The following PER2 variants were observed in gnomAD, a reference collection of about 807,000 sequenced individuals.
The protein encoded by PER2 is period circadian regulator 2.
Under a neutral mutation model 121.0 loss-of-function variants are expected in PER2, and 66 were observed. That is an observed-to-expected ratio of 0.55 (90% confidence interval 0.45 to 0.67). PER2 has a LOEUF of 0.67. Among genes scored for constraint, PER2 ranks in the 30% least tolerant of loss-of-function variants. The pLI, the probability that PER2 is intolerant of heterozygous loss-of-function variation, is 0.00. For missense variants in PER2, 1,521 were observed against 1,635.0 expected, an observed-to-expected ratio of 0.93 and a Z score of 1.20; for synonymous variants, 684 against 659.9, an observed-to-expected ratio of 1.04 and a Z score of -0.56.
intron 4 of PER2, 68 bp from the exon 5 acceptor site, chr2:238,273,259 T>C: frequency 6.5e-7 from 1 of 1,540,296 alleles, no homozygotes; most frequent in East Asian, 2.3e-5. Flanking sequence ...TCACTAGCTC[T>C]TACAAACTGA....
At chr2:238,280,090 C>A (rs758153477) in intron 1 of PER2, among the ~76,000 whole-genome samples, 18 of 152,176 alleles carry the variant, frequency 1.2e-4, no homozygotes, top group African/African-American at 4.1e-4. Flanking sequence ...CCACTGAACA[C>A]CCCCAGGTGC....
In PER2 at chr2:238,251,493, G is replaced by C. The variant is rs1224997314; in HGVS notation, c.3274+106C>G. The C allele has an allele frequency of 4.0e-6, 4 of 1,002,370 alleles. No individual in the cohort carries two copies. In the African/African-American group the frequency reaches 6.3e-5, roughly 16 times the overall value. The allele number at this position is 1,002,370 out of a possible 1,614,324, so 62.1% of individuals were successfully genotyped here. A position where few individuals can be genotyped will look rare whatever the true frequency, so the allele number is the denominator to read the frequency against. ...ATGGGCTCTGACAGCTGCTTGGGGA[G>C]TGCCGGTGATCCCTGTTCTGAGCAC... On this transcript the variant is annotated intron_variant, in intron 20 of 22. Coordinates refer to ENST00000254657, the MANE Select transcript of PER2 (RefSeq NM_022817.3).
At chr2:238,254,704 T>A (rs1220995663) in intron 18 of PER2, 10 of 152,392 alleles carry the variant, frequency 6.6e-5, no homozygotes, top group Non-Finnish European at 1.0e-4. Context: ...GCGGGAACTC[T>A]GCACTAGGCT....
intron 21 of PER2, among the ~76,000 whole-genome samples, chr2:238,250,122 C>T (rs1695558873): frequency 6.6e-6 from 1 of 152,248 alleles, no homozygotes; most frequent in African/African-American, 2.4e-5. Context: ...CACTGCAGAG[C>T]AGCCCGCTCC....
chr2:238,245,559 A>C lies in PER2; in HGVS notation c.*816T>G, dbSNP rs1026299768. 3 of 398,524 alleles carry C rather than the reference A, an allele frequency of 7.5e-6. No individual in the cohort carries two copies. The Admixed American group carries it at 1.3e-4, about 18-fold the overall frequency. The allele number at this position is 398,524 out of a possible 1,614,324, so 24.7% of individuals were successfully genotyped here. Reference sequence around the variant, plus strand: ...GTGTTGGTCACAGCCTGGTTTGCAAAGGGAAGTCACCATAAAGAGATGACT... The same window carrying C: ...GTGTTGGTCACAGCCTGGTTTGCAACGGGAAGTCACCATAAAGAGATGACT... On this transcript the variant is annotated 3_prime_UTR_variant, in exon 23 of 23. Transcript: ENST00000254657.
intron 14 of PER2, 35 bp from the exon 15 acceptor site, chr2:238,258,679 T>C: frequency 6.2e-7 from 1 of 1,608,920 alleles, no homozygotes; most frequent in Non-Finnish European, 8.5e-7. Context: ...TTCATTCATT[T>C]TTCTCCCACA....
At chr2:238,266,212 T>C (rs1367533229) in intron 8 of PER2, among the ~76,000 whole-genome samples, 1 of 152,084 alleles carries the variant, frequency 6.6e-6, no homozygotes, top group African/African-American at 2.4e-5. Flanking sequence ...CCCATCTTTA[T>C]GATGTTTAAG....
At position 238,251,620 on chromosome 2, in the gene PER2, C is replaced by T. The variant is rs1355444881; in HGVS notation, c.3253G>A (p.Asp1085Asn). The T allele has an allele frequency of 8.1e-6, 13 of 1,614,056 alleles. No homozygotes were observed. The highest frequency in any genetic ancestry group is 1.3e-5 in the African/African-American group (1 of 74,920). The change falls in exon 20 of 23, where the codon GAC becomes AAC. Residue 1085 changes from aspartate to asparagine, a missense_variant. Asp to Asn is a conservative substitution (Grantham distance 23). Coordinates refer to ENST00000254657, the MANE Select transcript of PER2 (RefSeq NM_022817.3). ...ATACCTGCCCCACTCGGGGAGGCGT[C>T]GCAGCCCAGTGAGCCGGAGCCCAGA... The part of the protein sequence containing the change: ...ESLGSGSLGC[D>N]ASPSGAGSSD...
rs1433657987 is a variant in PER2 at position 238,249,056 on chromosome 2, G to C, written c.3618+6C>G. The C allele has an allele frequency of 6.2e-7, 1 of 1,613,914 alleles. No individual in the cohort carries two copies. Among genetic ancestry groups the C allele is most frequent in the Non-Finnish European group, 8.5e-7 (1 of 1,179,846 alleles). ...CCATATCAGAAATCGAGTCCCGTGA[G>C]CTTACTGCCACGTCGATGGCTGCGG... On this transcript the variant is annotated splice_donor_region_variant and intron_variant, in intron 22 of 22. Transcript: ENST00000254657.
chr2:238,275,239 C>T (rs1696415894), intron 4 of PER2, among the ~76,000 whole-genome samples: 1 of 152,214 alleles, frequency 6.6e-6, no homozygotes, highest in Non-Finnish European at 1.5e-5. Flanking sequence ...TCGGGAGGTG[C>T]TCACACACCA....
chr2:238,277,336 G>A, intron 2 of PER2, 143 bp from the exon 3 acceptor site: 1 of 729,104 alleles, frequency 1.4e-6, no homozygotes. Flanking sequence ...GATAAAACTG[G>A]AATATAAAAC....
Position 238,265,475 on chromosome 2 carries a change from A to G in PER2, c.1046+37T>C, listed in dbSNP as rs762851810. ...GCTTTGGCTAAATAGCTTTTATATC[A>G]AAAACATGAAAAAGGGGGTGGGTCA... On this transcript the variant is annotated intron_variant, in intron 9 of 22. Coordinates refer to ENST00000254657, the MANE Select transcript of PER2 (RefSeq NM_022817.3). 6 of 1,379,852 alleles carry G rather than the reference A, an allele frequency of 4.3e-6. No individual in the cohort carries two copies. The Admixed American group carries it at 5.0e-5, about 12-fold the overall frequency. The allele number at this position is 1,379,852 out of a possible 1,614,324, so 85.5% of individuals were successfully genotyped here. A position where few individuals can be genotyped will look rare whatever the true frequency, so the allele number is the denominator to read the frequency against.
At chr2:238,249,929 T>C (rs76531722) in intron 21 of PER2, among the ~76,000 whole-genome samples, 17,328 of 152,316 alleles carry the variant, frequency 0.11, 1,304 homozygotes, top group Admixed American at 0.18. Context: ...ACTAAACCTC[T>C]TTCCTTTATA....
At chr2:238,256,472 G>C (rs1179851868) in intron 17 of PER2, among the ~76,000 whole-genome samples, 1 of 152,182 alleles carries the variant, frequency 6.6e-6, no homozygotes, top group East Asian at 1.9e-4. Context: ...AGAACACTCA[G>C]CCACCAATGC....
rs1294229902 is a variant in PER2, at chr2:238,260,808, G to A, written c.1542+20C>T. 1.2e-6 allele frequency: 2 copies of A among 1,613,934 alleles called. No homozygotes were observed. Among genetic ancestry groups the A allele is most frequent in the Non-Finnish European group, 1.7e-6 (2 of 1,179,886 alleles). On this transcript the variant is annotated intron_variant, in intron 13 of 22. Transcript: ENST00000254657. The stretch of plus-strand genomic sequence containing the variant: ...ACATCCACAAACTCATTTTCTCAGG[G>A]AGAATGGAAGGAGACGTACGGCTCT...
Position 238,268,215 on chromosome 2 carries a change from C to T in PER2, c.825-17G>A, listed in dbSNP as rs776079568. On this transcript the variant is annotated splice_polypyrimidine_tract_variant and intron_variant, in intron 7 of 22. Coordinates refer to ENST00000254657, the MANE Select transcript of PER2 (RefSeq NM_022817.3). This position sits in a 1 kb window ranked among gnomAD's most constrained non-coding sequence, Gnocchi z 4.0. ...TTCCGGACACTGCGGAGAAGAGCCA[C>T]GCTCTAAGTTGGGAACTGTGACACA... 7.4e-6 allele frequency: 12 copies of T among 1,613,184 alleles called. No homozygotes were observed. In the East Asian group the frequency reaches 8.9e-5, roughly 12 times the overall value.
At chr2:238,295,701 C>G in the PER2 span, 5 of 154,398 alleles carry the variant, frequency 3.2e-5, no homozygotes, top group African/African-American at 1.2e-4. Context: ...GAAGACTGCC[C>G]GTGTACTCAT....
rs1244312674 is a variant in PER2, at chr2:238,252,594, T to C, written c.3111+318A>G. Among the ~76,000 whole-genome samples the C allele has an allele frequency of 6.6e-6, 1 of 152,248 alleles. No individual in the cohort carries two copies. The highest frequency in any genetic ancestry group is 1.5e-5 in the Non-Finnish European group (1 of 68,044). On this transcript the variant is annotated intron_variant, in intron 19 of 22. Coordinates refer to ENST00000254657, the MANE Select transcript of PER2 (RefSeq NM_022817.3). The surrounding 1 kb of genome is among the most constrained non-coding windows in gnomAD (Gnocchi z 4.2). ...CTAGCTCTGGTATTTAACCTGACTG[T>C]GCTTTATCTCTGAAGCGTCATTTAA...
Position 238,260,832 on chromosome 2 carries a change from CTCCT to C in PER2, c.1534_1537del (p.Arg512GlufsTer91). Reference sequence around the variant, plus strand: ...GGAGAATGGAAGGAGACGTACGGCTCTCCTCCGGCGTGAGTCCTCATGGCCGTTG... The same window carrying C: ...GGAGAATGGAAGGAGACGTACGGCTCCCGGCGTGAGTCCTCATGGCCGTTG... On this transcript the variant is annotated frameshift_variant, in exon 13 of 23. Transcript: ENST00000254657. LOFTEE classifies it high-confidence loss of function. The C allele has an allele frequency of 6.2e-7, 1 of 1,614,168 alleles. No homozygotes were observed.
Sources: gnomAD v4.1 joint callset for allele counts (sites outside exome capture counted in the v4.1 genomes callset) on GRCh38, gnomAD v4.1.1 for gene constraint, Gnocchi (gnomAD v3.1) non-coding constraint, MANE v1.5 for transcripts, NCBI Gene and HGNC (gene_info 2026-07-23, HGNC 2026-07-21) for gene names.